ADCY2: variants seen among roughly 807,000 people sequenced by gnomAD.
The protein encoded by ADCY2 is adenylate cyclase 2, also known as adenylate cyclase type 2.
In ADCY2, 31 loss-of-function variants were observed where a neutral mutation model predicts 125.2. The observed-to-expected ratio is 0.25, with a 90% confidence interval of 0.19 to 0.33. ADCY2 has a LOEUF of 0.33. Ranked by LOEUF, ADCY2 falls within the 10% of genes least tolerant of loss-of-function variation. The pLI is 1.00. For synonymous variants in ADCY2, 512 were observed against 548.4 expected (o/e 0.93, Z 0.93); for missense variants, 904 against 1,418.2 (o/e 0.64, Z 5.82).
intron 14 of ADCY2, among the ~76,000 whole-genome samples, chr5:7,734,449 A>T (rs1219830016): frequency 6.6e-6 from 1 of 152,244 alleles, no homozygotes; most frequent in African/African-American, 2.4e-5. Flanking sequence ...TCCATATTCC[A>T]TAACAATGCA....
At chr5:7,637,936 G>C (rs576021358) in intron 4 of ADCY2, among the ~76,000 whole-genome samples, 1 of 152,316 alleles carries the variant, frequency 6.6e-6, no homozygotes, top group Non-Finnish European at 1.5e-5. Flanking sequence ...AAAAAGGCTA[G>C]GAGCTTCTCC....
At chr5:7,673,564 G>A (rs1040204797) in intron 4 of ADCY2, among the ~76,000 whole-genome samples, 3 of 152,102 alleles carry the variant, frequency 2.0e-5, no homozygotes, top group Non-Finnish European at 2.9e-5. Context: ...TCGAGGTAGG[G>A]TCCACCCTGT....
intron 14 of ADCY2, among the ~76,000 whole-genome samples, chr5:7,733,492 G>A (rs555883488): frequency 1.2e-3 from 190 of 152,294 alleles, no homozygotes; most frequent in African/African-American, 4.3e-3. Context: ...GGCAGGCACA[G>A]GTTGGGGAGG....
In ADCY2 at chr5:7,799,109, G is replaced by A. The variant is rs1041636237; in HGVS notation, c.2629-3109G>A. 5.3e-5 allele frequency: 8 copies of A among 152,214 alleles called. No homozygotes were observed. In the East Asian group the frequency reaches 7.7e-4, roughly 15 times the overall value. The allele number at this position is 152,214 out of a possible 1,614,324, so 9.4% of individuals were successfully genotyped here. A position where few individuals can be genotyped will look rare whatever the true frequency, so the allele number is the denominator to read the frequency against. On this transcript the variant is annotated intron_variant, in intron 20 of 24. Coordinates refer to ENST00000338316, the MANE Select transcript of ADCY2 (RefSeq NM_020546.3). The stretch of plus-strand genomic sequence containing the variant: ...ACATGTGAATGAATGTTGAGGAGAC[G>A]TCTAAACTCACTTTCAATTCTAAAG...
intron 3 of ADCY2, among the ~76,000 whole-genome samples, chr5:7,541,804 A>C (rs1735004038): frequency 6.6e-6 from 1 of 152,236 alleles, no homozygotes; most frequent in Non-Finnish European, 1.5e-5. Context: ...TCCAGTTAGA[A>C]CATGTGACAA....
chr5:7,480,632 C>T (rs368504563), intron 2 of ADCY2, among the ~76,000 whole-genome samples: 2 of 151,796 alleles, frequency 1.3e-5, no homozygotes, highest in African/African-American at 2.4e-5. Flanking sequence ...GGGGAGGATC[C>T]GGAAAAATGA....
intron 15 of ADCY2, among the ~76,000 whole-genome samples, chr5:7,751,992 G>A (rs1298670928): frequency 6.6e-6 from 1 of 152,096 alleles, no homozygotes; most frequent in Non-Finnish European, 1.5e-5. Context: ...CTGGCCTCTG[G>A]GAAAACAGAG....
intron 2 of ADCY2, among the ~76,000 whole-genome samples, chr5:7,446,571 T>A (rs928501897): frequency 2.6e-5 from 4 of 152,130 alleles, no homozygotes; most frequent in African/African-American, 9.7e-5. Context: ...CATACATACA[T>A]ACATACATAC....
At chr5:7,603,811 T>G (rs1737309570) in intron 3 of ADCY2, among the ~76,000 whole-genome samples, 1 of 112,294 alleles carries the variant, frequency 8.9e-6, no homozygotes, top group East Asian at 2.8e-4. Flanking sequence ...TTTTTTTTTC[T>G]TTTGTTTTTT....
In ADCY2 at chr5:7,802,118, G is replaced by A; in HGVS notation, c.2629-100G>A. On this transcript the variant is annotated intron_variant, in intron 20 of 24. Transcript: ENST00000338316. The surrounding 1 kb of genome is among the most constrained non-coding windows in gnomAD (Gnocchi z 4.6). ...CAAGTGGAGTAGGCATTTGGGCGAT[G>A]TCTGTGTGAATCCTGGCATAAACAA... 1 of 1,396,322 alleles carries A rather than the reference G, an allele frequency of 7.2e-7. No individual in the cohort carries two copies. Among genetic ancestry groups the A allele is most frequent in the Non-Finnish European group, 9.8e-7 (1 of 1,022,372 alleles). 86.5% of individuals were successfully genotyped at this position (1,396,322 alleles called of 1,614,324 possible).
chr5:7,598,681 C>A (rs1441141671), intron 3 of ADCY2, among the ~76,000 whole-genome samples: 1 of 152,122 alleles, frequency 6.6e-6, no homozygotes, highest in Non-Finnish European at 1.5e-5. Flanking sequence ...TTCCAGTGGA[C>A]ACACGATAGG....
At chr5:7,499,082 A>T (rs1743450053) in intron 2 of ADCY2, among the ~76,000 whole-genome samples, 1 of 152,164 alleles carries the variant, frequency 6.6e-6, no homozygotes, top group Non-Finnish European at 1.5e-5. Context: ...ATCTCAGCTC[A>T]CTGTAACCTC....
intron 3 of ADCY2, 134 bp downstream of exon 3, chr5:7,521,033 C>T (rs1384703888): frequency 1.1e-5 from 12 of 1,060,172 alleles, no homozygotes; most frequent in African/African-American, 1.6e-5. Context: ...TTGAGACTGA[C>T]CCCCTATAAC....
intron 16 of ADCY2, among the ~76,000 whole-genome samples, chr5:7,760,092 C>T (rs1743145503): frequency 6.6e-6 from 1 of 152,234 alleles, no homozygotes; most frequent in Admixed American, 6.5e-5. Flanking sequence ...TCTGCATAGG[C>T]AATTTCCTGG....
At chr5:7,469,060 C>G (rs1742234256) in intron 2 of ADCY2, among the ~76,000 whole-genome samples, 1 of 151,946 alleles carries the variant, frequency 6.6e-6, no homozygotes, top group African/African-American at 2.4e-5. Flanking sequence ...TGAGTGGTTA[C>G]TTTTATGACA....
At position 7,643,583 on chromosome 5, in the gene ADCY2, A is replaced by G. The variant is rs557474006; in HGVS notation, c.720+17267A>G. On this transcript the variant is annotated intron_variant, in intron 4 of 24. Coordinates refer to ENST00000338316, the MANE Select transcript of ADCY2 (RefSeq NM_020546.3). The stretch of plus-strand genomic sequence containing the variant: ...CTTTTTTTTTTCCACAATAAAATTT[A>G]TAACACCTTAACAATATTTTGGTGA... 4.6e-5 allele frequency among the ~76,000 whole-genome samples: 7 copies of G among 151,964 alleles called. No individual in the cohort carries two copies. In the South Asian group the frequency reaches 1.2e-3, roughly 27 times the overall value.
At chr5:7,532,282 AAG>A (rs899416419) in intron 3 of ADCY2, among the ~76,000 whole-genome samples, 1 of 152,108 alleles carries the variant, frequency 6.6e-6, no homozygotes, top group Admixed American at 6.6e-5. Flanking sequence ...AAGAGAAAGA[AAG>A]AGAGAGAGAG....
At chr5:7,566,321 A>G (rs1223636360) in intron 3 of ADCY2, among the ~76,000 whole-genome samples, 1 of 152,132 alleles carries the variant, frequency 6.6e-6, no homozygotes, top group Non-Finnish European at 1.5e-5. Context: ...TCTTGTCTCT[A>G]CAAAAATTAA....
intron 6 of ADCY2, among the ~76,000 whole-genome samples, chr5:7,697,144 C>G (rs1413394215): frequency 2.6e-5 from 4 of 151,836 alleles, no homozygotes; most frequent in African/African-American, 9.7e-5. Flanking sequence ...CCAGTTCTAC[C>G]TCCTCTTAAC....
Sources: allele counts gnomAD v4.1 joint callset (sites outside exome capture counted in the v4.1 genomes callset), GRCh38; gene constraint gnomAD v4.1.1; non-coding constraint Gnocchi (gnomAD v3.1); transcripts MANE v1.5; gene names NCBI Gene and HGNC (gene_info 2026-07-23, HGNC 2026-07-21).